The following ANO3 variants were observed in gnomAD, a reference collection of about 807,000 sequenced individuals.
The protein encoded by ANO3 is anoctamin 3, also known as anoctamin-3.
In ANO3, 99 loss-of-function variants were observed where a neutral mutation model predicts 144.8. The observed-to-expected ratio is 0.68, with a 90% CI of 0.58 to 0.81. The LOEUF (loss-of-function observed/expected upper bound fraction) is 0.81. ANO3 is among the 30% of genes least tolerant of loss of function. ANO3 has a pLI of 0.00. For synonymous variants in ANO3, 414 were observed against 392.6 expected (o/e 1.05, Z -0.64); for missense variants, 905 against 1,202.2 (o/e 0.75, Z 3.66).
At chr11:26,257,449 T>C (rs572417734) in intron 1 of ANO3, among the ~76,000 whole-genome samples, 4 of 152,248 alleles carry the variant, frequency 2.6e-5, no homozygotes, top group Non-Finnish European at 5.9e-5. Flanking sequence ...ATCCTGGCCC[T>C]GCACACTCAA....
chr11:26,387,784 CAG>C (rs1288446366), intron 1 of ANO3, among the ~76,000 whole-genome samples: 6 of 152,012 alleles, frequency 3.9e-5, no homozygotes, highest in Non-Finnish European at 7.4e-5. Context: ...TGTTTCTCTC[CAG>C]AGAGAGTTTG....
intron 1 of ANO3, among the ~76,000 whole-genome samples, chr11:26,351,908 G>C (rs1024796911): frequency 6.6e-5 from 10 of 152,170 alleles, no homozygotes; most frequent in African/African-American, 2.4e-4. Flanking sequence ...GACAGGTAGA[G>C]AGGGCTGACA....
chr11:26,595,460 G>GT (rs201712393), intron 14 of ANO3, among the ~76,000 whole-genome samples: 10,204 of 100,570 alleles, frequency 0.1, 1,568 homozygotes, highest in Non-Finnish European at 0.13. Flanking sequence ...AGATAGAGTT[G>GT]TTTTTTTTTT....
intron 6 of ANO3, among the ~76,000 whole-genome samples, chr11:26,522,658 A>G (rs1862129497): frequency 1.3e-5 from 2 of 152,198 alleles, no homozygotes; most frequent in African/African-American, 2.4e-5. Flanking sequence ...ATACAGAAGA[A>G]TTAAGGAGAA....
Position 26,557,469 on chromosome 11 carries a change from A to G in ANO3, c.1387-2250A>G, listed in dbSNP as rs1046390604. On this transcript the variant is annotated intron_variant, in intron 13 of 26. Transcript: ENST00000256737. ...GAGCGAGACTCTGTCTCAAAAAAAA[A>G]AAAAAAAAGTTGAACAAAATGCTTG... Among the ~76,000 whole-genome samples the G allele has an allele frequency of 2.0e-5, 3 of 151,992 alleles. No homozygotes were observed. In the East Asian group the frequency reaches 5.8e-4, roughly 29 times the overall value.
upstream of ANO3, among the ~76,000 whole-genome samples, chr11:26,328,437 A>G (rs890307432): frequency 6.6e-6 from 1 of 152,168 alleles, no homozygotes; most frequent in African/African-American, 2.4e-5. Flanking sequence ...CACAATTCCA[A>G]TTTTAATTAA....
At chr11:26,654,608 C>T (rs570124853) in intron 24 of ANO3, among the ~76,000 whole-genome samples, 1 of 151,858 alleles carries the variant, frequency 6.6e-6, no homozygotes, top group African/African-American at 2.4e-5. Flanking sequence ...TCTTTTTCTT[C>T]TACTTGTGTA....
At chr11:26,616,387 C>A (rs1233230871) in intron 17 of ANO3, among the ~76,000 whole-genome samples, 1 of 150,106 alleles carries the variant, frequency 6.7e-6, no homozygotes, top group Non-Finnish European at 1.5e-5. Context: ...TAATTATCTT[C>A]TCCTCCCATT....
chr11:26,568,670 T>C (rs1850696670), intron 14 of ANO3, among the ~76,000 whole-genome samples: 1 of 152,088 alleles, frequency 6.6e-6, no homozygotes, highest in African/African-American at 2.4e-5. Context: ...ATCTTTACCA[T>C]GAAGTTTACA....
chr11:26,406,943 T>C (rs907226038), intron 1 of ANO3, among the ~76,000 whole-genome samples: 3 of 147,714 alleles, frequency 2.0e-5, no homozygotes, highest in Non-Finnish European at 4.5e-5. Flanking sequence ...AATACATCTG[T>C]GTATATATAC....
chr11:26,252,715 A>G lies in ANO3; in HGVS notation c.155-56930A>G, dbSNP rs77655927. Among the ~76,000 whole-genome samples the G allele has an allele frequency of 4.3e-3, 648 of 152,302 alleles. 4 individuals are homozygous for G. The highest frequency in any genetic ancestry group is 0.014 in the African/African-American group (564 of 41,552). On this transcript the variant is annotated intron_variant, in intron 1 of 27. Coordinates refer to the ANO3 transcript ENST00000672621. ...GAGTATGGACTGGACAGACCTACAT[A>G]TGTATTTAGACGCATTACTTTCTGA...
chr11:26,465,502 G>C (rs1373730135), intron 4 of ANO3, among the ~76,000 whole-genome samples: 1 of 151,638 alleles, frequency 6.6e-6, no homozygotes, highest in Non-Finnish European at 1.5e-5. Flanking sequence ...CAACAGAAAG[G>C]GGGCACAGAC....
intron 2 of ANO3, among the ~76,000 whole-genome samples, chr11:26,442,422 G>A (rs1243546431): frequency 4.6e-5 from 7 of 152,150 alleles, no homozygotes; most frequent in Non-Finnish European, 8.8e-5. Flanking sequence ...CATTCCTGGC[G>A]AGAACTTATA....
In ANO3 at chr11:26,553,253, GA is replaced by G. The variant is rs1565099414; in HGVS notation, c.1297del (p.Ile433PhefsTer31). On this transcript the variant is annotated frameshift_variant, in exon 13 of 27. Coordinates refer to ENST00000256737, the MANE Select transcript of ANO3 (RefSeq NM_031418.4). LOFTEE classifies it high-confidence loss of function. ...FTMNNSQVSQ[E>X]ICKATEVFMC... ...TTGTTTTTGTTTTTTCTCAAGCCAA[GA>G]AATTTGTAAAGCCACTGAAGTCTTT... is the stretch of plus-strand genomic sequence containing the variant. 1 of 1,331,644 alleles carries G rather than the reference GA, an allele frequency of 7.5e-7. No homozygotes were observed. Among genetic ancestry groups the G allele is most frequent in the Admixed American group, 1.8e-5 (1 of 54,566 alleles). The allele number at this position is 1,331,644 out of a possible 1,614,324, so 82.5% of individuals were successfully genotyped here. A position where few individuals can be genotyped will look rare whatever the true frequency, so the allele number is the denominator to read the frequency against.
chr11:26,409,629 A>G (rs978001328), intron 1 of ANO3, among the ~76,000 whole-genome samples: 1 of 152,018 alleles, frequency 6.6e-6, no homozygotes, highest in Non-Finnish European at 1.5e-5. Context: ...TGATGAAATA[A>G]TGTGGACATC....
chr11:26,323,418 T>TC (rs1854807571), intron 1 of ANO3, among the ~76,000 whole-genome samples: 2 of 152,130 alleles, frequency 1.3e-5, no homozygotes, highest in Admixed American at 6.6e-5. Context: ...GGATGGATTC[T>TC]CCCCCCAGAC....
intron 17 of ANO3, among the ~76,000 whole-genome samples, chr11:26,617,800 A>G (rs759380830): frequency 1.3e-5 from 2 of 152,220 alleles, no homozygotes; most frequent in Admixed American, 6.5e-5. Context: ...TTTAATTAGT[A>G]TAAAATAACA....
At chr11:26,561,632 T>A (rs542658618) in intron 14 of ANO3, among the ~76,000 whole-genome samples, 19 of 152,120 alleles carry the variant, frequency 1.2e-4, no homozygotes, top group African/African-American at 4.3e-4. Context: ...TTTAAATTAA[T>A]GTTATTATTT....
rs552905797 is a variant in ANO3, at chr11:26,656,173, T to C, written c.2625T>C (p.Ser875=). The C allele has an allele frequency of 1.6e-5, 26 of 1,613,746 alleles. No homozygotes were observed. The South Asian group carries it at 2.9e-4, about 18-fold the overall frequency. Reference sequence around the variant, plus strand: ...ATAGCCTATCCTTCTTTGACCTGAGTGAGCTTGGTATGGGAAAATCTGGTT... The same window carrying C: ...ATAGCCTATCCTTCTTTGACCTGAGCGAGCTTGGTATGGGAAAATCTGGTT... ...VNNSLSFFDL[S]ELGMGKSGYC... is the part of the protein sequence containing the mutation. The change falls in exon 25 of 27, where the codon AGT becomes AGC. Residue 875 remains serine, a synonymous_variant. Coordinates refer to ENST00000256737, the MANE Select transcript of ANO3 (RefSeq NM_031418.4).
Sources: gnomAD v4.1 joint callset for allele counts (sites outside exome capture counted in the v4.1 genomes callset) on GRCh38, gnomAD v4.1.1 for gene constraint, MANE v1.5 for transcripts, NCBI Gene and HGNC (gene_info 2026-07-23, HGNC 2026-07-21) for gene names.